The following WDFY4 variants were observed in gnomAD, a reference collection of about 807,000 sequenced individuals.
WDFY4 encodes the protein WD repeat- and FYVE domain-containing protein 4.
WDFY4 carries 169 observed loss-of-function variants against 351.9 expected under a neutral mutation model. That is an observed-to-expected ratio of 0.48 (90% CI 0.42 to 0.55). The LOEUF is 0.55. Among genes scored for constraint, WDFY4 ranks in the 20% least tolerant of loss-of-function variants. WDFY4 has a pLI of 0.00. For synonymous variants in WDFY4, 1,622 were observed against 1,574.6 expected, an observed-to-expected ratio of 1.03 and a Z score of -0.71; for missense variants, 3,803 against 3,935.6, an observed-to-expected ratio of 0.97 and a Z score of 0.90.
At chr10:48,828,213 A>G (rs554760213) in intron 36 of WDFY4, among the ~76,000 whole-genome samples, 27 of 152,378 alleles carry the variant, frequency 1.8e-4, no homozygotes, top group African/African-American at 6.5e-4. Context: ...AACCTAATGT[A>G]TAAACCACTG....
At chr10:48,953,383 A>G (rs1373300899) in intron 51 of WDFY4, among the ~76,000 whole-genome samples, 1 of 149,630 alleles carries the variant, frequency 6.7e-6, no homozygotes, top group Non-Finnish European at 1.5e-5. Flanking sequence ...ACCAACAGCT[A>G]TCATCCAGGG....
chr10:48,807,751 C>A, intron 27 of WDFY4, 108 bp from the exon 28 acceptor site: 1 of 1,284,076 alleles, frequency 7.8e-7, no homozygotes, highest in Non-Finnish European at 1.1e-6. Flanking sequence ...CCCAGCCATG[C>A]CACAATTCCT....
chr10:48,839,543 G>C (rs1246819863), intron 39 of WDFY4, among the ~76,000 whole-genome samples: 1 of 152,140 alleles, frequency 6.6e-6, no homozygotes, highest in Non-Finnish European at 1.5e-5. Context: ...CCAGAGAGAG[G>C]TGAGATCTTG....
At position 48,760,430 on chromosome 10, in the gene WDFY4, A is replaced by C. The variant is rs1208319510; in HGVS notation, c.2543A>C (p.Asp848Ala). The C allele has an allele frequency of 6.4e-7, 1 of 1,551,612 alleles. No individual in the cohort carries two copies. The highest frequency in any genetic ancestry group is 8.7e-7 in the Non-Finnish European group (1 of 1,146,950). The change falls in exon 13 of 62, where the codon GAT becomes GCT. Residue 848 changes from aspartate (D) to alanine (A), a missense_variant. By Grantham distance (126) the Asp-to-Ala change is moderately radical. Coordinates refer to ENST00000325239, the MANE Select transcript of WDFY4 (RefSeq NM_001394531.1). ...VRLLPRLYHE[D>A]HPQLSEEIQC... Reference sequence around the variant, plus strand: ...CTGCTGCCTCGGTTGTACCATGAAGATCACCCACAGGTACCTGGTGTTGAA... The same window carrying C: ...CTGCTGCCTCGGTTGTACCATGAAGCTCACCCACAGGTACCTGGTGTTGAA...
chr10:48,842,994 T>A (rs751192184), intron 39 of WDFY4, among the ~76,000 whole-genome samples: 15 of 152,356 alleles, frequency 9.8e-5, no homozygotes, highest in African/African-American at 7.2e-5. Flanking sequence ...GACTATGGTC[T>A]GAAAACCCTT....
Position 48,974,986 on chromosome 10 carries a change from C to G in WDFY4, c.9053C>G (p.Thr3018Ser). Residue 3018 changes from threonine to serine, a missense_variant, in exon 58 of 62, where the codon ACC (threonine) becomes AGC (serine). This residue lies in a region of WDFY4 where 3,054 missense variants were observed against 3,148.6 expected (regional missense o/e 0.97). Coordinates refer to ENST00000325239, the MANE Select transcript of WDFY4 (RefSeq NM_001394531.1). ...LWDLDHLTHV[T>S]RLPAHREGIS... ...GATCTGGACCACCTCACCCACGTGA[C>G]CCGCCTGCCCGCCCATCGGGAAGGC... The G allele has an allele frequency of 6.4e-7, 1 of 1,551,674 alleles. No individual in the cohort carries two copies. Among genetic ancestry groups the G allele is most frequent in the Non-Finnish European group, 8.7e-7 (1 of 1,146,996 alleles).
At chr10:48,775,086 C>A (rs1263121835) in intron 14 of WDFY4, among the ~76,000 whole-genome samples, 1 of 152,152 alleles carries the variant, frequency 6.6e-6, no homozygotes, top group African/African-American at 2.4e-5. Context: ...GGGGCAGAAC[C>A]CACCTGGATC....
Position 48,778,632 on chromosome 10 carries a change from C to A in WDFY4, c.3197C>A (p.Pro1066His). ...IGTGATRPFP[P>H]PGGLTFSCWF... ...CCAGGTGCCACCAGACCGTTCCCTC[C>A]TCCTGGAGGTCTGACCTTCTCCTGC... The change falls in exon 18 of 62, where the codon CCT becomes CAT. Residue 1066 changes from proline (P) to histidine (H), a missense_variant. Coordinates refer to ENST00000325239, the MANE Select transcript of WDFY4 (RefSeq NM_001394531.1). 1 of 1,551,408 alleles carries A rather than the reference C, an allele frequency of 6.4e-7. No homozygotes were observed. The highest frequency in any genetic ancestry group is 8.7e-7 in the Non-Finnish European group (1 of 1,147,016).
chr10:48,844,845 G>A (rs1046914487), intron 39 of WDFY4, among the ~76,000 whole-genome samples: 1 of 152,208 alleles, frequency 6.6e-6, no homozygotes, highest in Non-Finnish European at 1.5e-5. Context: ...CTGTTTGAGG[G>A]GAAGCAGATG....
intron 1 of WDFY4, among the ~76,000 whole-genome samples, chr10:48,698,877 T>C (rs1021950897): frequency 2.6e-5 from 4 of 152,192 alleles, no homozygotes; most frequent in Admixed American, 6.5e-5. Flanking sequence ...GTTCACAGAA[T>C]TGTGGCGGCT....
At chr10:48,695,409 C>A (rs1230182313) in intron 1 of WDFY4, among the ~76,000 whole-genome samples, 1 of 152,164 alleles carries the variant, frequency 6.6e-6, no homozygotes, top group East Asian at 1.9e-4. Flanking sequence ...CACCACTGAC[C>A]ACTGCCTGAA....
At chr10:48,790,421 A>T (rs1297236197) in intron 22 of WDFY4, among the ~76,000 whole-genome samples, 1 of 152,228 alleles carries the variant, frequency 6.6e-6, no homozygotes, top group African/African-American at 2.4e-5. Context: ...AGCAATAGGG[A>T]TACTGAGGCT....
At chr10:48,970,385 G>A in intron 57 of WDFY4, 96 bp downstream of exon 57, 2 of 1,465,094 alleles carry the variant, frequency 1.4e-6, no homozygotes, top group South Asian at 2.7e-5. Flanking sequence ...GGCAGGTGTG[G>A]TGCCGGAACA....
chr10:48,805,443 G>C, intron 26 of WDFY4, 22 bp downstream of exon 26: 1 of 1,545,094 alleles, frequency 6.5e-7, no homozygotes, highest in South Asian at 1.2e-5. Context: ...AGCTGCCCAG[G>C]GGGAAGAGCA....
chr10:48,729,578 A>C lies in WDFY4; in HGVS notation c.1118A>C (p.His373Pro). The change falls in exon 8 of 62, where the codon CAT becomes CCT. Residue 373 changes from histidine to proline, a missense_variant. This residue lies in a region of WDFY4 where 488 missense variants were observed against 456.8 expected (regional missense o/e 1.07). Transcript: ENST00000325239. ...YPQLEGFKFH[H>P]EASGVTVKNL... ...CAGCTTGAAGGCTTCAAGTTCCATC[A>C]TGAGGCATCTGGTGAGTCTTTCCTG... The C allele has an allele frequency of 6.4e-7, 1 of 1,551,648 alleles. No homozygotes were observed. Among genetic ancestry groups the C allele is most frequent in the Non-Finnish European group, 8.7e-7 (1 of 1,146,974 alleles).
chr10:48,831,869 C>T (rs899030183), intron 38 of WDFY4, among the ~76,000 whole-genome samples: 4 of 152,136 alleles, frequency 2.6e-5, no homozygotes, highest in African/African-American at 7.2e-5. Flanking sequence ...CCTGGGATGG[C>T]CCCCTTCAGC....
chr10:48,885,100 C>T (rs540699351), intron 43 of WDFY4, among the ~76,000 whole-genome samples: 29 of 151,910 alleles, frequency 1.9e-4, no homozygotes, highest in Non-Finnish European at 3.1e-4. Context: ...TGGTGCCCAA[C>T]GGTCGGTTTC....
intron 13 of WDFY4, among the ~76,000 whole-genome samples, chr10:48,767,893 C>T (rs1215772739): frequency 6.6e-6 from 1 of 152,152 alleles, no homozygotes; most frequent in Non-Finnish European, 1.5e-5. Flanking sequence ...GGGGCACAGA[C>T]ATGTCCACTT....
chr10:48,966,312 G>T (rs1294888501), intron 54 of WDFY4, among the ~76,000 whole-genome samples: 1 of 152,148 alleles, frequency 6.6e-6, no homozygotes, highest in Non-Finnish European at 1.5e-5. Flanking sequence ...CTGCCTTTAT[G>T]ACCTTGAAAA....
Sources: gnomAD v4.1 joint callset for allele counts (sites outside exome capture counted in the v4.1 genomes callset) on GRCh38, gnomAD v4.1.1 for gene constraint, gnomAD v4.1.1 regional missense constraint, MANE v1.5 for transcripts, NCBI Gene and HGNC (gene_info 2026-07-23, HGNC 2026-07-21) for gene names.